TTC28: variants seen among roughly 807,000 people sequenced by gnomAD.
TTC28 encodes the protein tetratricopeptide repeat domain 28, also known as tetratricopeptide repeat protein 28.
In TTC28, 61 loss-of-function variants were observed where a neutral mutation model predicts 198.0. The observed-to-expected ratio is 0.31, with a 90% CI of 0.25 to 0.38. The LOEUF is 0.38. Among genes scored for constraint, TTC28 ranks in the 10% least tolerant of loss-of-function variants. The pLI, the probability that TTC28 is intolerant of heterozygous loss-of-function variation, is 1.00. For synonymous variants in TTC28, 1,171 were observed against 1,297.8 expected (o/e 0.90, Z 2.10); for missense variants, 2,678 against 3,164.0 (o/e 0.85, Z 3.69).
At chr22:28,458,737 C>T (rs1225109139) in intron 2 of TTC28, among the ~76,000 whole-genome samples, 2 of 151,764 alleles carry the variant, frequency 1.3e-5, no homozygotes, top group African/African-American at 2.4e-5. Context: ...AAAAATTAGC[C>T]GGGCGTGGTG....
At chr22:28,449,558 T>C (rs1011086959) in intron 2 of TTC28, among the ~76,000 whole-genome samples, 2 of 152,230 alleles carry the variant, frequency 1.3e-5, no homozygotes, top group South Asian at 4.1e-4. Context: ...ATTCCCAATG[T>C]ATCATGGCTA....
At chr22:28,326,975 A>AACACACACACACACACACAC (rs57349023) in intron 2 of TTC28, among the ~76,000 whole-genome samples, 2 of 142,842 alleles carry the variant, frequency 1.4e-5, no homozygotes, top group African/African-American at 5.4e-5. Context: ...CACAAACACA[A>AACACACACACACACACACAC]ACACACACAC....
intron 2 of TTC28, among the ~76,000 whole-genome samples, chr22:28,576,972 T>A (rs530685261): frequency 6.6e-6 from 1 of 152,070 alleles, no homozygotes; most frequent in Non-Finnish European, 1.5e-5. Flanking sequence ...CTTTCATTTA[T>A]TTCTGCTCTG....
intron 13 of TTC28, among the ~76,000 whole-genome samples, chr22:28,029,586 G>A (rs981935959): frequency 2.6e-5 from 4 of 152,150 alleles, no homozygotes; most frequent in African/African-American, 4.8e-5. Flanking sequence ...AACCCCAACC[G>A]CCTGCCCTGT....
At position 28,101,254 on chromosome 22, in the gene TTC28, G is replaced by C. The variant is rs776535088; in HGVS notation, c.3334C>G (p.Arg1112Gly). 2.6e-6 allele frequency: 4 copies of C among 1,551,432 alleles called. No individual in the cohort carries two copies. Among genetic ancestry groups the C allele is most frequent in the Admixed American group, 2.0e-5 (1 of 50,934 alleles). Residue 1112 changes from arginine to glycine, a missense_variant, in exon 9 of 23, where the codon CGA (arginine) becomes GGA (glycine). Arg to Gly is a moderately radical substitution (Grantham distance 125). Transcript: ENST00000397906. Reference protein sequence around the residue: ...EGLRLAEQLGRREDEAKIRHG... With the variant: ...EGLRLAEQLGGREDEAKIRHG... ...CGAATTTTTGCCTCATCTTCTCTTC[G>C]GCCCAGTTGCTCAGCTAACCTTAAA...
chr22:28,149,094 T>C (rs1601386730), intron 6 of TTC28, among the ~76,000 whole-genome samples: 1 of 152,242 alleles, frequency 6.6e-6, no homozygotes, highest in African/African-American at 2.4e-5. Context: ...CTAGATGACA[T>C]AGCCTATTAC....
At chr22:28,097,078 G>A (rs568042437) in intron 10 of TTC28, among the ~76,000 whole-genome samples, 555 of 152,144 alleles carry the variant, frequency 3.6e-3, no homozygotes, top group Admixed American at 7.6e-3. Context: ...CTGTCTATGC[G>A]TCTTCTGACT....
intron 6 of TTC28, among the ~76,000 whole-genome samples, chr22:28,161,749 AGG>A (rs1921218714): frequency 7.1e-6 from 1 of 140,002 alleles, no homozygotes; most frequent in Non-Finnish European, 1.6e-5. Context: ...AGGACAGGAC[AGG>A]ACAGGAAAGG....
chr22:28,259,023 A>C (rs1331231354), intron 5 of TTC28, among the ~76,000 whole-genome samples: 1 of 152,030 alleles, frequency 6.6e-6, no homozygotes, highest in Non-Finnish European at 1.5e-5. Context: ...GTGACCTCTG[A>C]AGTACTGCTG....
intron 5 of TTC28, among the ~76,000 whole-genome samples, chr22:28,209,009 A>G (rs1926656770): frequency 6.6e-6 from 1 of 152,304 alleles, no homozygotes; most frequent in South Asian, 2.1e-4. Flanking sequence ...AGCTGAATTA[A>G]AAGGTTTTTC....
chr22:28,224,424 A>T (rs1928130685), intron 5 of TTC28, among the ~76,000 whole-genome samples: 1 of 152,116 alleles, frequency 6.6e-6, no homozygotes, highest in Non-Finnish European at 1.5e-5. Flanking sequence ...CCTAGTGAGT[A>T]GGTTATATGA....
chr22:28,551,461 A>G (rs1466894650), intron 2 of TTC28, among the ~76,000 whole-genome samples: 1 of 152,118 alleles, frequency 6.6e-6, no homozygotes, highest in Non-Finnish European at 1.5e-5. Flanking sequence ...CCCTGATGAA[A>G]ATAGATGCAA....
chr22:28,175,626 A>C (rs1923090515), intron 5 of TTC28, among the ~76,000 whole-genome samples: 1 of 152,022 alleles, frequency 6.6e-6, no homozygotes. Flanking sequence ...CCAGCTACTC[A>C]GGAGGCCGAA....
At chr22:28,130,330 TAC>T in intron 6 of TTC28, among the ~76,000 whole-genome samples, 1 of 152,222 alleles carries the variant, frequency 6.6e-6, no homozygotes, top group Non-Finnish European at 1.5e-5. Context: ...GAAGATTCAT[TAC>T]AGTCTCTCGG....
At chr22:28,591,048 T>C (rs1197585200) in intron 2 of TTC28, among the ~76,000 whole-genome samples, 14 of 49,316 alleles carry the variant, frequency 2.8e-4, no homozygotes, top group South Asian at 6.3e-4. Context: ...CACATATATA[T>C]ATATATATAT....
intron 2 of TTC28, among the ~76,000 whole-genome samples, chr22:28,609,253 A>T (rs11704630): frequency 2.6e-5 from 4 of 152,266 alleles, no homozygotes; most frequent in African/African-American, 4.8e-5. Flanking sequence ...TTCCAGAATT[A>T]AAAAATACAT....
At chr22:28,417,170 C>T (rs1172949885) in intron 2 of TTC28, among the ~76,000 whole-genome samples, 1 of 151,784 alleles carries the variant, frequency 6.6e-6, no homozygotes, top group African/African-American at 2.4e-5. Context: ...GGGAGGATGG[C>T]TTGAGCCTAG....
rs1280843397 is a variant in TTC28 at position 28,417,274 on chromosome 22, G to C, written c.382-110631C>G. On this transcript the variant is annotated intron_variant, in intron 2 of 22. Transcript: ENST00000397906. ...AGCCCAGGAGTTGTAGCCAGCCTGA[G>C]AAACATAGCAAGACCCTGTCTCTAC... Among the ~76,000 whole-genome samples, 5 of 108,374 alleles carry C rather than the reference G, an allele frequency of 4.6e-5. No homozygotes were observed. The East Asian group carries it at 1.5e-3, about 33-fold the overall frequency. The allele number at this position is 108,374 out of a possible 152,430, so 71.1% of individuals were successfully genotyped here.
At chr22:28,275,730 A>T (rs1932377131) in intron 5 of TTC28, among the ~76,000 whole-genome samples, 1 of 151,614 alleles carries the variant, frequency 6.6e-6, no homozygotes, top group Non-Finnish European at 1.5e-5. Context: ...AGGAAAGGGG[A>T]GAAAGTTTAA....
Sources: gnomAD v4.1 joint callset for allele counts (sites outside exome capture counted in the v4.1 genomes callset) on GRCh38, gnomAD v4.1.1 for gene constraint, MANE v1.5 for transcripts, NCBI Gene and HGNC (gene_info 2026-07-23, HGNC 2026-07-21) for gene names.